The following OTUD7A variants were observed in gnomAD, a reference collection of about 807,000 sequenced individuals.
The protein encoded by OTUD7A is OTU deubiquitinase 7A.
A neutral mutation model predicts 65.7 loss-of-function variants in OTUD7A; 12 were observed. That is an observed-to-expected ratio of 0.18 (90% confidence interval 0.12 to 0.30). The LOEUF is 0.30. Ranked by LOEUF, OTUD7A falls within the 10% of genes least tolerant of loss-of-function variation. The pLI is 1.00. For synonymous variants in OTUD7A, 641 were observed against 586.3 expected (o/e 1.09, Z -1.35); for missense variants, 1,148 against 1,304.8 (o/e 0.88, Z 1.85).
intron 1 of OTUD7A, among the ~76,000 whole-genome samples, chr15:31,717,056 T>C (rs1196390394): frequency 1.3e-5 from 2 of 152,224 alleles, no homozygotes; most frequent in Non-Finnish European, 2.9e-5. Flanking sequence ...TTTACATTTA[T>C]CATTCTCTCC....
At chr15:31,508,124 A>G (rs2041611420) in intron 8 of OTUD7A, among the ~76,000 whole-genome samples, 1 of 152,250 alleles carries the variant, frequency 6.6e-6, no homozygotes. Flanking sequence ...CTATAACAGA[A>G]TAAGGAAAGG....
chr15:31,524,220 C>T (rs1005646801), intron 8 of OTUD7A, among the ~76,000 whole-genome samples: 2 of 152,030 alleles, frequency 1.3e-5, no homozygotes, highest in Non-Finnish European at 2.9e-5. Flanking sequence ...ATCACTGGCA[C>T]AGGATTCTGA....
At chr15:31,796,551 T>C (rs1895967104) in intron 1 of OTUD7A, among the ~76,000 whole-genome samples, 1 of 152,198 alleles carries the variant, frequency 6.6e-6, no homozygotes, top group Non-Finnish European at 1.5e-5. Context: ...CATTCAGATG[T>C]ATTTGACCAC....
chr15:31,501,974 G>A, intron 9 of OTUD7A, 135 bp from the exon 10 acceptor site: 1 of 1,002,594 alleles, frequency 1.0e-6, no homozygotes, highest in African/African-American at 1.6e-5. Context: ...GTGGATGGAG[G>A]CGGTGCTGAG....
At chr15:31,615,462 C>A (rs887878260) in intron 3 of OTUD7A, among the ~76,000 whole-genome samples, 1 of 151,980 alleles carries the variant, frequency 6.6e-6, no homozygotes, top group African/African-American at 2.4e-5. Context: ...AAGGAAAAAT[C>A]GACAGAAAAT....
In OTUD7A at chr15:31,729,375, A is replaced by C. The variant is rs140564959; in HGVS notation, c.-99-72298T>G. Among the ~76,000 whole-genome samples, 13 of 152,330 alleles carry C rather than the reference A, an allele frequency of 8.5e-5. No homozygotes were observed. The East Asian group carries it at 2.5e-3, about 29-fold the overall frequency. On this transcript the variant is annotated intron_variant, in intron 1 of 12. Transcript: ENST00000307050. ...GTCTGTAATAATAACTCTGACACTGACTGTCATGACAAAGAAGAAATAACA... is the reference window on the plus strand; with the variant it reads ...GTCTGTAATAATAACTCTGACACTGCCTGTCATGACAAAGAAGAAATAACA...
At chr15:31,528,801 G>A (rs918119924) in intron 6 of OTUD7A, among the ~76,000 whole-genome samples, 2 of 152,266 alleles carry the variant, frequency 1.3e-5, no homozygotes, top group African/African-American at 2.4e-5. Context: ...GGTTCCACAA[G>A]GACTGCTGGT....
chr15:31,720,545 C>A (rs1022503063), intron 1 of OTUD7A, among the ~76,000 whole-genome samples: 2 of 151,750 alleles, frequency 1.3e-5, no homozygotes, highest in African/African-American at 4.8e-5. Flanking sequence ...GGACTACAGG[C>A]GCCCGCCACC....
At chr15:31,599,194 C>T (rs574346454) in intron 3 of OTUD7A, among the ~76,000 whole-genome samples, 5 of 152,338 alleles carry the variant, frequency 3.3e-5, no homozygotes, top group African/African-American at 1.2e-4. Flanking sequence ...GTCCCTGACC[C>T]CTGTGTATCC....
At chr15:31,724,474 C>T (rs1374238797) in intron 1 of OTUD7A, among the ~76,000 whole-genome samples, 1 of 152,342 alleles carries the variant, frequency 6.6e-6, no homozygotes, top group Admixed American at 6.5e-5. Context: ...TACACAGTTA[C>T]ATGATCTGTG....
intron 1 of OTUD7A, among the ~76,000 whole-genome samples, chr15:31,783,074 C>A (rs1432058309): frequency 1.3e-5 from 2 of 152,134 alleles, no homozygotes; most frequent in Non-Finnish European, 2.9e-5. Context: ...AAAGGAAATA[C>A]CATAAACCAG....
intron 3 of OTUD7A, among the ~76,000 whole-genome samples, chr15:31,624,988 G>A (rs1217179339): frequency 1.3e-5 from 2 of 152,198 alleles, no homozygotes; most frequent in African/African-American, 4.8e-5. Context: ...TAGCCTATGT[G>A]ATGGGATGTC....
At chr15:31,504,108 G>A (rs1035610107) in intron 8 of OTUD7A, among the ~76,000 whole-genome samples, 1 of 152,218 alleles carries the variant, frequency 6.6e-6, no homozygotes, top group African/African-American at 2.4e-5. Flanking sequence ...GCAGGCGGAG[G>A]CAGCCCACCA....
At chr15:31,766,104 A>G (rs1895087585) in intron 1 of OTUD7A, 1 of 1,447,522 alleles carries the variant, frequency 6.9e-7, no homozygotes, top group Non-Finnish European at 9.7e-7. Flanking sequence ...ATGTTTTTCC[A>G]CTGCAGTCTG....
At chr15:31,852,003 C>T (rs573498578) in intron 1 of OTUD7A, among the ~76,000 whole-genome samples, 33 of 152,232 alleles carry the variant, frequency 2.2e-4, no homozygotes, top group African/African-American at 6.3e-4. Context: ...AGATTACAGG[C>T]GCGCACCACC....
At chr15:31,552,787 C>G (rs1465940432) in intron 5 of OTUD7A, among the ~76,000 whole-genome samples, 2 of 152,234 alleles carry the variant, frequency 1.3e-5, no homozygotes, top group Non-Finnish European at 2.9e-5. Flanking sequence ...AGAGTCGCAG[C>G]CGCGACTCTG....
At chr15:31,518,678 G>A (rs1273650607) in intron 8 of OTUD7A, among the ~76,000 whole-genome samples, 1 of 152,226 alleles carries the variant, frequency 6.6e-6, no homozygotes, top group Non-Finnish European at 1.5e-5. Context: ...TTTCACAGGT[G>A]CAAGGTTCTC....
intron 1 of OTUD7A, among the ~76,000 whole-genome samples, chr15:31,665,659 C>T (rs1279146072): frequency 6.6e-6 from 1 of 152,050 alleles, no homozygotes; most frequent in African/African-American, 2.4e-5. Flanking sequence ...TTATTTCTCT[C>T]GTCTGATTGC....
At chr15:31,604,446 G>A (rs1222545013) in intron 3 of OTUD7A, among the ~76,000 whole-genome samples, 2 of 152,146 alleles carry the variant, frequency 1.3e-5, no homozygotes, top group African/African-American at 4.8e-5. Flanking sequence ...GCCTGTTGAG[G>A]GGTGGGGGGC....
Sources: allele counts gnomAD v4.1 joint callset (sites outside exome capture counted in the v4.1 genomes callset), GRCh38; gene constraint gnomAD v4.1.1; transcripts MANE v1.5; gene names NCBI Gene and HGNC (gene_info 2026-07-23, HGNC 2026-07-21).